DSG3: variants seen among roughly 807,000 people sequenced by gnomAD.
The protein encoded by DSG3 is desmoglein-3.
DSG3 carries 63 observed loss-of-function variants against 85.9 expected under a neutral mutation model. The observed-to-expected ratio is 0.73, with a 90% confidence interval of 0.60 to 0.90. The LOEUF (loss-of-function observed/expected upper bound fraction) is 0.90, where lower values mean the gene tolerates loss of function less well. DSG3 is among the 40% of genes least tolerant of loss of function. The probability of loss-of-function intolerance (pLI) is 0.00; values close to 1 mark genes in which losing one functional copy is unlikely to be tolerated. For synonymous variants in DSG3, 447 were observed against 441.9 expected, an observed-to-expected ratio of 1.01 and a Z score of -0.14; for missense variants, 1,220 against 1,219.9, an observed-to-expected ratio of 1.00 and a Z score of 0.00.
chr18:31,473,013 A>G (rs1029317166), intron 14 of DSG3, among the ~76,000 whole-genome samples: 10 of 152,234 alleles, frequency 6.6e-5, no homozygotes, highest in Admixed American at 5.9e-4. Context: ...ACCATTGTCA[A>G]TATCTAAAGA....
intron 15 of DSG3, among the ~76,000 whole-genome samples, 193 bp downstream of exon 15, chr18:31,474,597 A>G (rs2072875963): frequency 6.6e-6 from 1 of 152,178 alleles, no homozygotes. Context: ...ACTGATCAAA[A>G]GAAGAATGGG....
At chr18:31,454,199 A>G (rs897947848) in intron 1 of DSG3, among the ~76,000 whole-genome samples, 2 of 152,150 alleles carry the variant, frequency 1.3e-5, no homozygotes, top group African/African-American at 4.8e-5. Flanking sequence ...GGCTAGTCCA[A>G]GCATGATTCA....
chr18:31,450,990 TGTC>T (rs2072708147), intron 1 of DSG3, among the ~76,000 whole-genome samples: 1 of 152,266 alleles, frequency 6.6e-6, no homozygotes, highest in Non-Finnish European at 1.5e-5. Context: ...CAAAAACAGT[TGTC>T]GTATCAATTT....
At chr18:31,449,552 C>T (rs2072699084) in intron 1 of DSG3, among the ~76,000 whole-genome samples, 2 of 152,014 alleles carry the variant, frequency 1.3e-5, no homozygotes, top group African/African-American at 2.4e-5. Flanking sequence ...TATATTGAGG[C>T]TAATTTTTAT....
Position 31,465,460 on chromosome 18 carries a change from A to G in DSG3, c.1411+3A>G. The G allele has an allele frequency of 6.8e-7, 1 of 1,473,818 alleles. No individual in the cohort carries two copies. Among genetic ancestry groups the G allele is most frequent in the Non-Finnish European group, 9.0e-7 (1 of 1,111,422 alleles). The allele number at this position is 1,473,818 out of a possible 1,614,324, so 91.3% of individuals were successfully genotyped here. A position where few individuals can be genotyped will look rare whatever the true frequency, so the allele number is the denominator to read the frequency against. On this transcript the variant is annotated splice_donor_region_variant and intron_variant, in intron 10 of 15. Coordinates refer to ENST00000257189, the MANE Select transcript of DSG3 (RefSeq NM_001944.3). ...AGCTGAGGTTCTGGCCATAGATGGT[A>G]AGAAAAATATTTGAATCATTTCAGA... is the stretch of plus-strand genomic sequence containing the variant.
rs1201701872 is a variant in DSG3, at chr18:31,475,689, A to G, written c.2429A>G (p.Asn810Ser). Reference protein sequence around the residue: ...CAEEDDGQEANDCLLIYDNEG... With the variant: ...CAEEDDGQEASDCLLIYDNEG... The stretch of plus-strand genomic sequence containing the variant: ...GAGGAAGACGATGGCCAGGAAGCAA[A>G]TGACTGCTTGTTGATCTATGATAAT... The change falls in exon 16 of 16, where the codon AAT becomes AGT. Residue 810 changes from asparagine (N) to serine (S), a missense_variant. By Grantham distance (46) the Asn-to-Ser change is conservative. Coordinates refer to ENST00000257189, the MANE Select transcript of DSG3 (RefSeq NM_001944.3). 6.2e-7 allele frequency: 1 copy of G among 1,614,084 alleles called. No homozygotes were observed. The highest frequency in any genetic ancestry group is 8.5e-7 in the Non-Finnish European group (1 of 1,180,040).
rs1268604594 is a variant in DSG3, at chr18:31,460,882, A to G, written c.734A>G (p.Glu245Gly). The change falls in exon 7 of 16, where the codon GAA (glutamate) becomes GGA (glycine). Residue 245 changes from glutamate to glycine, a missense_variant. By Grantham distance (98) the Glu-to-Gly change is moderately conservative (BLOSUM62 -2). Transcript: ENST00000257189. Reference sequence around the variant, plus strand: ...GTGAGTGGTGCAGACAAAGATGGAGAAGGACTATCAACTCAATGTGAATGT... The same window carrying G: ...GTGAGTGGTGCAGACAAAGATGGAGGAGGACTATCAACTCAATGTGAATGT... ...LVVSGADKDGEGLSTQCECNI... is the reference protein window; with the variant it reads ...LVVSGADKDGGGLSTQCECNI... The G allele has an allele frequency of 6.2e-7, 1 of 1,601,112 alleles. No homozygotes were observed. The highest frequency in any genetic ancestry group is 2.3e-5 in the East Asian group (1 of 44,418).
intron 15 of DSG3, among the ~76,000 whole-genome samples, chr18:31,475,120 G>C (rs2072878422): frequency 6.6e-6 from 1 of 152,156 alleles, no homozygotes; most frequent in African/African-American, 2.4e-5. Context: ...AACAGAAAAG[G>C]AACATAGTTA....
chr18:31,461,780 A>C (rs575727683), intron 8 of DSG3, among the ~76,000 whole-genome samples: 2 of 152,374 alleles, frequency 1.3e-5, no homozygotes, highest in Non-Finnish European at 2.9e-5. Context: ...AGTTAGGACA[A>C]GATAAGAATG....
At chr18:31,458,045 C>T (rs571843507) in intron 3 of DSG3, among the ~76,000 whole-genome samples, 15 of 152,254 alleles carry the variant, frequency 9.9e-5, no homozygotes, top group African/African-American at 3.6e-4. Context: ...CATACAATCT[C>T]TTTCCCTTTT....
intron 8 of DSG3, among the ~76,000 whole-genome samples, chr18:31,462,652 A>T (rs2072793729): frequency 6.6e-6 from 1 of 152,030 alleles, no homozygotes; most frequent in South Asian, 2.1e-4. Flanking sequence ...GAATTGTGAC[A>T]TTTCCTCACA....
In DSG3 at chr18:31,478,009, C is replaced by A. The variant is rs1315061403; in HGVS notation, c.*1749C>A. 2.6e-5 allele frequency: 4 copies of A among 152,228 alleles called. No individual in the cohort carries two copies. Among genetic ancestry groups the A allele is most frequent in the Non-Finnish European group, 4.4e-5 (3 of 68,060 alleles). 9.4% of individuals were successfully genotyped at this position (152,228 alleles called of 1,614,324 possible). On this transcript the variant is annotated 3_prime_UTR_variant, in exon 16 of 16. Transcript: ENST00000257189. ...GGAAAGAGGTCCCCTAAATATCCCC[C>A]ACCCTGGTGCTCCTCCCTCTCCCTG...
chr18:31,457,581 CTTT>C (rs2072754870), intron 3 of DSG3, among the ~76,000 whole-genome samples: 1 of 80,626 alleles, frequency 1.2e-5, no homozygotes, highest in African/African-American at 5.9e-5. Flanking sequence ...TTCTTTCTTT[CTTT>C]CTTCTTTCTT....
intron 2 of DSG3, 76 bp downstream of exon 2, chr18:31,456,551 A>G: frequency 4.0e-6 from 3 of 758,394 alleles, no homozygotes; most frequent in Non-Finnish European, 5.7e-6. Context: ...TTTAGTAGAA[A>G]TGAATATTTA....
At chr18:31,452,945 T>C (rs2072720379) in intron 1 of DSG3, among the ~76,000 whole-genome samples, 1 of 152,288 alleles carries the variant, frequency 6.6e-6, no homozygotes, top group African/African-American at 2.4e-5. Flanking sequence ...TCTAAATTAA[T>C]TGAATTTACT....
At chr18:31,460,246 G>A (rs2072775630) in intron 6 of DSG3, among the ~76,000 whole-genome samples, 1 of 152,170 alleles carries the variant, frequency 6.6e-6, no homozygotes, top group South Asian at 2.1e-4. Flanking sequence ...AAGTTAAATA[G>A]GGGCAATGAA....
At chr18:31,461,754 G>T (rs1042669304) in intron 8 of DSG3, among the ~76,000 whole-genome samples, 1 of 152,146 alleles carries the variant, frequency 6.6e-6, no homozygotes, top group African/African-American at 2.4e-5. Context: ...AATCTCATTT[G>T]CAACAATCAG....
At position 31,452,246 on chromosome 18, in the gene DSG3, T is replaced by C. The variant is rs188266875; in HGVS notation, c.49-4194T>C. Among the ~76,000 whole-genome samples, 146 of 152,084 alleles carry C rather than the reference T, an allele frequency of 9.6e-4. 1 individual carries two copies. The highest frequency in any genetic ancestry group is 1.4e-3 in the Non-Finnish European group (92 of 67,950). On this transcript the variant is annotated intron_variant, in intron 1 of 15. Transcript: ENST00000257189. ...ATAAAAATGGCTCTTTTAGGCTGGGTGTGGTGGCTCATGCCTGTAATCCCA... is the reference window on the plus strand; with the variant it reads ...ATAAAAATGGCTCTTTTAGGCTGGGCGTGGTGGCTCATGCCTGTAATCCCA...
Position 31,476,335 on chromosome 18 carries a change from C to G in DSG3, c.*75C>G. ...AAGTATTCAAAATAGCATAGCAAAGCTCACTGTATTGGGCTAATAATTTGG... is the reference window on the plus strand; with the variant it reads ...AAGTATTCAAAATAGCATAGCAAAGGTCACTGTATTGGGCTAATAATTTGG... On this transcript the variant is annotated 3_prime_UTR_variant, in exon 16 of 16. Transcript: ENST00000257189. 1 of 1,509,150 alleles carries G rather than the reference C, an allele frequency of 6.6e-7. No homozygotes were observed. Among genetic ancestry groups the G allele is most frequent in the Non-Finnish European group, 8.9e-7 (1 of 1,123,422 alleles). 93.5% of individuals were successfully genotyped at this position (1,509,150 alleles called of 1,614,324 possible).
Sources: allele counts gnomAD v4.1 joint callset (sites outside exome capture counted in the v4.1 genomes callset), GRCh38; gene constraint gnomAD v4.1.1; transcripts MANE v1.5; gene names NCBI Gene and HGNC (gene_info 2026-07-23, HGNC 2026-07-21).